Variants in PDPR observed in about 807,000 individuals in gnomAD.
PDPR encodes pyruvate dehydrogenase phosphatase regulatory subunit, mitochondrial.
In PDPR, 50 loss-of-function variants were observed where a neutral mutation model predicts 102.2. The ratio of observed to expected loss-of-function variants is 0.49; its 90% CI spans 0.39 to 0.62. The LOEUF (loss-of-function observed/expected upper bound fraction) is 0.62. Among genes scored for constraint, PDPR ranks in the 20% least tolerant of loss-of-function variants. The pLI, the probability that PDPR is intolerant of heterozygous loss-of-function variation, is 0.00. For synonymous variants in PDPR, 259 were observed against 406.0 expected (o/e 0.64, Z 4.35); for missense variants, 625 against 1,098.2 (o/e 0.57, Z 6.09).
chr16:70,137,802 T>C (rs1219779814), intron 10 of PDPR, among the ~76,000 whole-genome samples: 1 of 152,284 alleles, frequency 6.6e-6, no homozygotes, highest in Non-Finnish European at 1.5e-5. Flanking sequence ...AATCTTTAGG[T>C]GACAGAAAAA....
rs1315761742 is a variant in PDPR at position 70,120,716 on chromosome 16, G to A, written c.224G>A (p.Gly75Asp). 2 of 1,606,466 alleles carry A rather than the reference G, an allele frequency of 1.2e-6. No individual in the cohort carries two copies. Among genetic ancestry groups the A allele is most frequent in the Admixed American group, 1.7e-5 (1 of 59,990 alleles). Residue 75 changes from glycine to aspartate, a missense_variant, in exon 3 of 19, where the codon GGC becomes GAC. Coordinates refer to ENST00000288050, the MANE Select transcript of PDPR (RefSeq NM_017990.5). ...AAGGATATTGTCCTTTTGGAGCAGG[G>A]CAGGTAAGGATCAGACTGCATTTGG... is the stretch of plus-strand genomic sequence containing the variant. ...GWKDIVLLEQ[G>D]RLAAGSTRFC...
chr16:70,155,690 A>G (rs943428935), intron 18 of PDPR, among the ~76,000 whole-genome samples: 5 of 152,238 alleles, frequency 3.3e-5, no homozygotes, highest in Non-Finnish European at 7.3e-5. Flanking sequence ...GTGCCTGGCC[A>G]TAATCACCGT....
chr16:70,121,958 A>G (rs1963341238), intron 3 of PDPR, among the ~76,000 whole-genome samples: 1 of 151,642 alleles, frequency 6.6e-6, no homozygotes, highest in South Asian at 2.1e-4. Context: ...TAGAGATGGG[A>G]TCTCCCTGTG....
Position 70,120,538 on chromosome 16 carries a change from A to G in PDPR, c.46A>G (p.Ser16Gly), listed in dbSNP as rs1289894751. The G allele has an allele frequency of 6.2e-7, 1 of 1,613,942 alleles. No individual in the cohort carries two copies. The highest frequency in any genetic ancestry group is 8.5e-7 in the Non-Finnish European group (1 of 1,179,908). ...GTCGATTGTTGGAAGACAAAGAGCCAGCCCAGGATGGCAGAACTGGTCCTC... is the reference window on the plus strand; with the variant it reads ...GTCGATTGTTGGAAGACAAAGAGCCGGCCCAGGATGGCAGAACTGGTCCTC... ...LLSIVGRQRA[S>G]PGWQNWSSAR... is the part of the protein sequence containing the mutation. Residue 16 changes from serine to glycine, a missense_variant, in exon 3 of 19, where the codon AGC becomes GGC. Transcript: ENST00000288050.
intron 10 of PDPR, among the ~76,000 whole-genome samples, chr16:70,137,697 C>G (rs2152094218): frequency 6.6e-6 from 1 of 152,366 alleles, no homozygotes; most frequent in Admixed American, 6.5e-5. Flanking sequence ...GAGACCAGTT[C>G]TCTTGAGTGA....
intron 18 of PDPR, among the ~76,000 whole-genome samples, chr16:70,154,150 C>A (rs8049831): frequency 6.6e-6 from 1 of 151,398 alleles, no homozygotes; most frequent in African/African-American, 2.4e-5. Flanking sequence ...AGCGAGACTC[C>A]GTCTCAAAAA....
At chr16:70,121,458 G>A (rs1220802488) in intron 3 of PDPR, among the ~76,000 whole-genome samples, 14 of 151,718 alleles carry the variant, frequency 9.2e-5, no homozygotes, top group African/African-American at 3.1e-4. Context: ...CTGGGAGGCT[G>A]AGGTGGGCAG....
chr16:70,124,496 A>G (rs1424869519), intron 3 of PDPR, among the ~76,000 whole-genome samples: 3 of 152,290 alleles, frequency 2.0e-5, no homozygotes, highest in African/African-American at 7.2e-5. Context: ...CTGTCTGCAC[A>G]TTAGAATCAG....
At chr16:70,147,724 A>G (rs1966352557) in intron 16 of PDPR, 1 of 380,658 alleles carries the variant, frequency 2.6e-6, no homozygotes, top group Non-Finnish European at 5.1e-6. Context: ...GGATCCACCT[A>G]CAAATTGTTT....
intron 3 of PDPR, among the ~76,000 whole-genome samples, chr16:70,123,450 C>G (rs1433851015): frequency 7.9e-5 from 12 of 152,204 alleles, no homozygotes; most frequent in African/African-American, 2.7e-4. Context: ...GTTGTCCAGG[C>G]TGGCCTCAAA....
At position 70,123,676 on chromosome 16, in the gene PDPR, ATTT is replaced by A. The variant is rs768726218; in HGVS notation, c.227+2960_227+2962del. 7.9e-5 allele frequency among the ~76,000 whole-genome samples: 12 copies of A among 152,392 alleles called. No homozygotes were observed. The East Asian group carries it at 1.9e-3, about 24-fold the overall frequency. On this transcript the variant is annotated intron_variant, in intron 3 of 18. Transcript: ENST00000288050. ...TAAGTGGGAGACCCTAGGGAGGTTC[ATTT>A]TTGGTTTAATTTGTTGCTTCAAGAT...
intron 9 of PDPR, among the ~76,000 whole-genome samples, chr16:70,135,844 G>C (rs1192911101): frequency 6.6e-6 from 1 of 152,244 alleles, no homozygotes; most frequent in Non-Finnish European, 1.5e-5. Context: ...GAGGCAGGCA[G>C]ATCACTTGAG....
chr16:70,140,346 A>C (rs1279445725), intron 11 of PDPR, among the ~76,000 whole-genome samples: 1 of 152,262 alleles, frequency 6.6e-6, no homozygotes, highest in African/African-American at 2.4e-5. Flanking sequence ...CCTGTCTCAA[A>C]AAAATAAAAT....
Position 70,146,195 on chromosome 16 carries a change from G to A in PDPR, c.1929G>A (p.Met643Ile). The A allele has an allele frequency of 5.0e-6, 8 of 1,613,786 alleles. No individual in the cohort carries two copies. Among genetic ancestry groups the A allele is most frequent in the Non-Finnish European group, 6.8e-6 (8 of 1,179,848 alleles). Residue 643 changes from methionine to isoleucine, a missense_variant, in exon 16 of 19, where the codon ATG becomes ATA. Transcript: ENST00000288050. ...TGTCTGAGTTGTCCTATGCCCCTATGACTCCAGACCACTTCCCAAGCCTCT... is the reference window on the plus strand; with the variant it reads ...TGTCTGAGTTGTCCTATGCCCCTATAACTCCAGACCACTTCCCAAGCCTCT... ...DVLSELSYAP[M>I]TPDHFPSLFC...
chr16:70,151,611 G>A (rs910770376), intron 17 of PDPR, among the ~76,000 whole-genome samples: 1 of 152,294 alleles, frequency 6.6e-6, no homozygotes, highest in Non-Finnish European at 1.5e-5. Context: ...CTGGGTGCTT[G>A]TGGTCAAACC....
Position 70,120,212 on chromosome 16 carries a change from G to A in PDPR, c.-32-249G>A, listed in dbSNP as rs574825532. 1.7e-4 allele frequency: 63 copies of A among 368,204 alleles called. 1 individual carries two copies. The highest frequency in any genetic ancestry group is 1.8e-3 in the Middle Eastern group (2 of 1,122). 22.8% of individuals were successfully genotyped at this position (368,204 alleles called of 1,614,324 possible). On this transcript the variant is annotated intron_variant, in intron 2 of 18. Coordinates refer to ENST00000288050, the MANE Select transcript of PDPR (RefSeq NM_017990.5). ...TTACAGGTGTGAGCCACTGCGCCCA[G>A]CCTAAGTTTTTGAATTTTTAGTAGA...
chr16:70,155,502 T>A (rs1351472262), intron 18 of PDPR, among the ~76,000 whole-genome samples: 1 of 152,248 alleles, frequency 6.6e-6, no homozygotes, highest in African/African-American at 2.4e-5. Context: ...TGGGCCCAGC[T>A]ACTTGGGAGG....
At chr16:70,115,200 T>G (rs1457046199) in intron 2 of PDPR, among the ~76,000 whole-genome samples, 1 of 152,112 alleles carries the variant, frequency 6.6e-6, no homozygotes, top group Non-Finnish European at 1.5e-5. Flanking sequence ...CTCGGCTCAC[T>G]GCAACCTCTG....
intron 13 of PDPR, among the ~76,000 whole-genome samples, chr16:70,143,159 G>A (rs1965901794): frequency 6.6e-6 from 1 of 152,150 alleles, no homozygotes; most frequent in South Asian, 2.1e-4. Context: ...ACTGCACTCA[G>A]CCTGGGCAAC....
Sources: gnomAD v4.1 joint callset for allele counts (sites outside exome capture counted in the v4.1 genomes callset) on GRCh38, gnomAD v4.1.1 for gene constraint, MANE v1.5 for transcripts, NCBI Gene and HGNC (gene_info 2026-07-23, HGNC 2026-07-21) for gene names.